NFIB: variants seen among roughly 807,000 people sequenced by gnomAD.
NFIB encodes the protein nuclear factor I B.
NFIB carries 11 observed loss-of-function variants against 61.5 expected under a neutral mutation model. The observed-to-expected ratio is 0.18, with a 90% CI of 0.11 to 0.30. The LOEUF (loss-of-function observed/expected upper bound fraction) is 0.30. Ranked by LOEUF, NFIB falls within the 10% of genes least tolerant of loss-of-function variation. The pLI, the probability that NFIB is intolerant of heterozygous loss-of-function variation, is 1.00. For synonymous variants in NFIB, 260 were observed against 216.5 expected (o/e 1.20, Z -1.76); for missense variants, 471 against 608.9 (o/e 0.77, Z 2.38).
At chr9:14,500,459 G>C in the NFIB span, among the ~76,000 whole-genome samples, 1 of 152,118 alleles carries the variant, frequency 6.6e-6, no homozygotes, top group African/African-American at 2.4e-5. Context: ...AGAGTAATGA[G>C]ACTTCTAGTG....
intron 10 of NFIB, among the ~76,000 whole-genome samples, chr9:14,099,063 C>T (rs772913503): frequency 1.3e-5 from 2 of 152,178 alleles, no homozygotes; most frequent in African/African-American, 2.4e-5. Context: ...AACACCTCAA[C>T]AGGGCAATTA....
At chr9:14,106,630 G>A (rs2036599523) in intron 10 of NFIB, among the ~76,000 whole-genome samples, 1 of 151,990 alleles carries the variant, frequency 6.6e-6, no homozygotes, top group African/African-American at 2.4e-5. Flanking sequence ...TACATAAAGG[G>A]GAAACACCTA....
the NFIB span, among the ~76,000 whole-genome samples, chr9:14,469,361 C>G: frequency 6.6e-6 from 1 of 152,168 alleles, no homozygotes; most frequent in Non-Finnish European, 1.5e-5. Flanking sequence ...TGCCCACACA[C>G]TTGTTGATGT....
At chr9:14,183,748 G>C (rs2047055629) in intron 2 of NFIB, among the ~76,000 whole-genome samples, 1 of 152,028 alleles carries the variant, frequency 6.6e-6, no homozygotes, top group East Asian at 1.9e-4. Context: ...AAAGAGAGGA[G>C]TTTTTGGAGG....
intron 3 of NFIB, among the ~76,000 whole-genome samples, chr9:14,170,704 A>G (rs541325546): frequency 6.6e-6 from 1 of 152,302 alleles, no homozygotes; most frequent in Non-Finnish European, 1.5e-5. Context: ...TGCCCAGAAC[A>G]GCAGGTACCA....
At chr9:14,306,059 ACATTT>A in intron 2 of NFIB, 6 of 771,058 alleles carry the variant, frequency 7.8e-6, no homozygotes, top group Non-Finnish European at 1.2e-5. Context: ...AAAATAATAA[ACATTT>A]CATTAACTCA....
At chr9:14,494,276 T>C in the NFIB span, among the ~76,000 whole-genome samples, 1 of 152,252 alleles carries the variant, frequency 6.6e-6, no homozygotes, top group Admixed American at 6.5e-5. Context: ...AGCAATCTTA[T>C]ACTTGATTCA....
intron 1 of NFIB, among the ~76,000 whole-genome samples, chr9:14,333,023 C>T (rs192425483): frequency 6.6e-6 from 1 of 152,242 alleles, no homozygotes; most frequent in East Asian, 1.9e-4. Flanking sequence ...TCAGGGGTAT[C>T]TAGAGAGGAG....
At chr9:14,191,171 T>C (rs369241737) in intron 2 of NFIB, among the ~76,000 whole-genome samples, 9 of 151,876 alleles carry the variant, frequency 5.9e-5, no homozygotes, top group Non-Finnish European at 8.8e-5. Flanking sequence ...CTACTAAAAA[T>C]ACAATAATTA....
the NFIB span, among the ~76,000 whole-genome samples, chr9:14,425,607 A>ATTT: frequency 4.2e-4 from 42 of 99,010 alleles, no homozygotes; most frequent in Non-Finnish European, 5.6e-4. Flanking sequence ...TTGCTACATA[A>ATTT]TTTTTTTTTT....
chr9:14,142,613 A>G (rs1322414941), intron 6 of NFIB, among the ~76,000 whole-genome samples: 4 of 152,172 alleles, frequency 2.6e-5, no homozygotes, highest in Non-Finnish European at 5.9e-5. Context: ...AAGTACATCA[A>G]CTAGAAATTG....
chr9:14,168,093 G>T (rs1446339144), intron 3 of NFIB, among the ~76,000 whole-genome samples: 1 of 152,160 alleles, frequency 6.6e-6, no homozygotes, highest in Non-Finnish European at 1.5e-5. Flanking sequence ...GGCATAAGAG[G>T]ATCACTGTAA....
intron 2 of NFIB, among the ~76,000 whole-genome samples, chr9:14,255,149 G>A (rs2132172237): frequency 6.6e-6 from 1 of 152,194 alleles, no homozygotes; most frequent in Non-Finnish European, 1.5e-5. Context: ...CTTGAGCCCA[G>A]GAGTTCGAGG....
intron 8 of NFIB, 23 bp from the exon 9 acceptor site, chr9:14,116,369 C>T (rs760831009): frequency 1.1e-5 from 16 of 1,474,462 alleles, no homozygotes; most frequent in African/African-American, 2.8e-5. Context: ...AACAGAATGC[C>T]GGGTGAAGCA....
At chr9:14,454,924 C>T in the NFIB span, among the ~76,000 whole-genome samples, 1 of 152,148 alleles carries the variant, frequency 6.6e-6, no homozygotes, top group Non-Finnish European at 1.5e-5. Flanking sequence ...GGCTGCTTCT[C>T]GAACCTGGAA....
intron 2 of NFIB, among the ~76,000 whole-genome samples, chr9:14,187,072 T>TGTGTGTGC (rs2047454194): frequency 2.8e-5 from 4 of 145,004 alleles, no homozygotes; most frequent in African/African-American, 1.1e-4. Context: ...TGTGTGTGTG[T>TGTGTGTGC]GCCTGTGTCT....
intron 3 of NFIB, among the ~76,000 whole-genome samples, chr9:14,178,222 C>T (rs975775328): frequency 2.6e-5 from 4 of 152,078 alleles, no homozygotes; most frequent in African/African-American, 9.6e-5. Context: ...GGGAAAATAT[C>T]AGTTAATTAA....
chr9:14,198,697 C>A (rs1020382237), intron 2 of NFIB, among the ~76,000 whole-genome samples: 39 of 152,186 alleles, frequency 2.6e-4, no homozygotes, highest in African/African-American at 9.4e-4. Flanking sequence ...AGAAAGCGCT[C>A]TCAACAAGCA....
At chr9:14,234,487 A>G (rs2053537808) in intron 2 of NFIB, among the ~76,000 whole-genome samples, 1 of 150,822 alleles carries the variant, frequency 6.6e-6, no homozygotes, top group Non-Finnish European at 1.5e-5. Flanking sequence ...CTCCTTCCTT[A>G]GCCTCCTGAG....
Sources: allele counts gnomAD v4.1 joint callset (sites outside exome capture counted in the v4.1 genomes callset), GRCh38; gene constraint gnomAD v4.1.1; transcripts MANE v1.5; gene names NCBI Gene and HGNC (gene_info 2026-07-23, HGNC 2026-07-21).